SIAE: variants seen among roughly 807,000 people sequenced by gnomAD.
The protein encoded by SIAE is sialate O-acetylesterase.
A neutral mutation model predicts 52.6 loss-of-function variants in SIAE; 39 were observed. That is an observed-to-expected ratio of 0.74 (90% CI 0.57 to 0.97). SIAE has a LOEUF of 0.97. SIAE is among the 50% of genes least tolerant of loss of function. The pLI is 0.00. For missense variants in SIAE, 592 were observed against 662.1 expected (o/e 0.89, Z 1.16); for synonymous variants, 233 against 241.4 (o/e 0.97, Z 0.32).
Position 124,673,624 on chromosome 11 carries a change from C to G in SIAE, c.67+18G>C. ...ACAGGCTGAGGGGCAGGGGTCCGGC[C>G]GAGCCGGGCCGCCTCACCTGCACTT... On this transcript the variant is annotated intron_variant, in intron 1 of 9. Transcript: ENST00000263593. The G allele has an allele frequency of 6.2e-7, 1 of 1,611,248 alleles. No homozygotes were observed. The highest frequency in any genetic ancestry group is 8.5e-7 in the Non-Finnish European group (1 of 1,178,988).
At chr11:124,671,080 G>T (rs1016587555) in intron 1 of SIAE, among the ~76,000 whole-genome samples, 1 of 152,126 alleles carries the variant, frequency 6.6e-6, no homozygotes, top group African/African-American at 2.4e-5. Flanking sequence ...CATAGGCTAG[G>T]GGAAATACCT....
upstream of SIAE, chr11:124,675,257 C>A: frequency 1.2e-6 from 2 of 1,610,762 alleles, no homozygotes; most frequent in Middle Eastern, 1.7e-4. Context: ...GCAGTTCTTA[C>A]CAAGAAGATG....
intron 1 of SIAE, among the ~76,000 whole-genome samples, chr11:124,673,054 C>G (rs1389491761): frequency 6.6e-6 from 1 of 152,164 alleles, no homozygotes; most frequent in Non-Finnish European, 1.5e-5. Context: ...CTCCCCTATG[C>G]CACTCACATT....
At chr11:124,646,087 T>C (rs766549302) in intron 7 of SIAE, among the ~76,000 whole-genome samples, 1 of 152,200 alleles carries the variant, frequency 6.6e-6, no homozygotes, top group Non-Finnish European at 1.5e-5. Flanking sequence ...TGATTTCTTA[T>C]GTTCTAGAAA....
chr11:124,657,938 T>C (rs1365365125), intron 3 of SIAE, among the ~76,000 whole-genome samples: 2 of 152,226 alleles, frequency 1.3e-5, no homozygotes, highest in African/African-American at 4.8e-5. Flanking sequence ...TCTGCTGAGA[T>C]CAGATTTCAT....
Position 124,637,035 on chromosome 11 carries a change from G to C in SIAE, c.1488C>G (p.His496Gln). Residue 496 changes from histidine to glutamine, a missense_variant, in exon 10 of 10, where the codon CAC becomes CAG. Coordinates refer to ENST00000263593, the MANE Select transcript of SIAE (RefSeq NM_170601.5). Reference sequence around the variant, plus strand: ...GAGGGGCTGGCAGGGCACTACTGGGGTGGTATAGGGGACACTGCTTATATT... The same window carrying C: ...GAGGGGCTGGCAGGGCACTACTGGGCTGGTATAGGGGACACTGCTTATATT... ...PCEYKQCPLY[H>Q]PSSALPAPPF... 6.2e-7 allele frequency: 1 copy of C among 1,614,204 alleles called. No individual in the cohort carries two copies. Among genetic ancestry groups the C allele is most frequent in the Non-Finnish European group, 8.5e-7 (1 of 1,180,046 alleles).
intron 3 of SIAE, 145 bp downstream of exon 3, chr11:124,660,483 C>G: frequency 1.3e-6 from 1 of 778,392 alleles, no homozygotes; most frequent in Non-Finnish European, 2.2e-6. Context: ...TTAATGAATT[C>G]ATTCAAAGCA....
intron 7 of SIAE, 55 bp downstream of exon 7, chr11:124,647,310 C>A: frequency 6.2e-7 from 1 of 1,611,056 alleles, no homozygotes; most frequent in South Asian, 1.1e-5. Flanking sequence ...ACCTCTTCCT[C>A]TCAACACAGG....
In SIAE at chr11:124,634,646, T is replaced by C. The variant is rs1259805715; in HGVS notation, c.*2305A>G. On this transcript the variant is annotated 3_prime_UTR_variant, in exon 10 of 10. Transcript: ENST00000263593. ...ACAGTATTATTTTAATAGTAGAAAA[T>C]TGTTAAAAATCTATATGTCCATTAA... The C allele has an allele frequency of 1.3e-5, 2 of 152,122 alleles. No individual in the cohort carries two copies. Among genetic ancestry groups the C allele is most frequent in the Admixed American group, 6.5e-5 (1 of 15,276 alleles). 9.4% of individuals were successfully genotyped at this position (152,122 alleles called of 1,614,324 possible). A position where few individuals can be genotyped will look rare whatever the true frequency, so the allele number is the denominator to read the frequency against.
intron 1 of SIAE, 42 bp downstream of exon 1, chr11:124,673,600 C>T (rs372104513): frequency 4.0e-4 from 644 of 1,601,162 alleles, no homozygotes; most frequent in Non-Finnish European, 5.3e-4. Context: ...GGAGCCCGCA[C>T]AGGCTGAGGG....
chr11:124,675,354 G>A, upstream of SIAE: 13 of 1,614,202 alleles, frequency 8.1e-6, no homozygotes, highest in Non-Finnish European at 1.1e-5. Flanking sequence ...TTCTGAGAGA[G>A]CAACCGGACA....
At position 124,638,713 on chromosome 11, in the gene SIAE, A is replaced by C; in HGVS notation, c.1149T>G (p.Thr383=). 1 of 1,614,144 alleles carries C rather than the reference A, an allele frequency of 6.2e-7. No homozygotes were observed. The highest frequency in any genetic ancestry group is 1.3e-5 in the African/African-American group (1 of 75,044). The change falls in exon 9 of 10, where the codon ACT becomes ACG. Residue 383 remains threonine, a synonymous_variant. Coordinates refer to ENST00000263593, the MANE Select transcript of SIAE (RefSeq NM_170601.5). ...CCCCCAAATGCAGCCGATAAGCCAC[A>C]GTCTGTTTATCTCGAGGGTGGATGC... The part of the protein sequence containing the change: ...FGSIHPRDKQ[T]VAYRLHLGAR...
chr11:124,661,151 T>C (rs1297397463), intron 2 of SIAE, among the ~76,000 whole-genome samples: 1 of 152,188 alleles, frequency 6.6e-6, no homozygotes, highest in Non-Finnish European at 1.5e-5. Context: ...GCTGTCAAAA[T>C]TAACATTAAT....
chr11:124,644,353 GA>G (rs370589585), intron 7 of SIAE, among the ~76,000 whole-genome samples: 1,134 of 102,134 alleles, frequency 0.011, 4 homozygotes, highest in South Asian at 0.029. Flanking sequence ...TCTGTGGTGA[GA>G]AAAAAAAAAA....
chr11:124,661,563 C>T (rs1010198696), intron 2 of SIAE, among the ~76,000 whole-genome samples: 11 of 152,150 alleles, frequency 7.2e-5, no homozygotes, highest in African/African-American at 2.7e-4. Flanking sequence ...CCCCATCACC[C>T]TCCTACCTCT....
rs750974373 is a variant in SIAE at position 124,648,144 on chromosome 11, T to C, written c.754A>G (p.Ser252Gly). Residue 252 changes from serine to glycine, a missense_variant, in exon 6 of 10, where the codon AGT (serine) becomes GGT (glycine). Ser to Gly is a moderately conservative substitution (Grantham distance 56). Transcript: ENST00000263593. ...GCATTCCAGAGAACAGAGTGCTTAC[T>C]GGGACCAGTTACAGAATCGTATGGA... is the stretch of plus-strand genomic sequence containing the variant. ...SIPYDSVTGP[S>G]KHSVLWNAMI... is the part of the protein sequence containing the mutation. The C allele has an allele frequency of 1.2e-6, 2 of 1,614,110 alleles. No individual in the cohort carries two copies. Among genetic ancestry groups the C allele is most frequent in the Non-Finnish European group, 1.7e-6 (2 of 1,179,966 alleles).
At chr11:124,675,423 G>A, upstream of SIAE, 1 of 1,600,914 alleles carries the variant, frequency 6.2e-7, no homozygotes, top group African/African-American at 1.4e-5. Context: ...GAGAGAGTAA[G>A]CTTTCTAAAA....
chr11:124,662,193 C>A (rs943111930), intron 2 of SIAE, among the ~76,000 whole-genome samples: 101 of 152,202 alleles, frequency 6.6e-4, no homozygotes, highest in African/African-American at 2.4e-3. Context: ...CACACGTCAA[C>A]GTATTAAATG....
In SIAE at chr11:124,633,993, A is replaced by G. The variant is rs1181835420; in HGVS notation, c.*2958T>C. The G allele has an allele frequency of 6.6e-6, 1 of 152,272 alleles. No homozygotes were observed. Among genetic ancestry groups the G allele is most frequent in the Non-Finnish European group, 1.5e-5 (1 of 68,050 alleles). The allele number at this position is 152,272 out of a possible 1,614,324, so 9.4% of individuals were successfully genotyped here. ...ACTATAGTGTGTACGTATACCACAT[A>G]TACATATACTTGTATGAAGATATGT... is the stretch of plus-strand genomic sequence containing the variant. On this transcript the variant is annotated 3_prime_UTR_variant, in exon 10 of 10. Transcript: ENST00000263593.
Sources: allele counts gnomAD v4.1 joint callset (sites outside exome capture counted in the v4.1 genomes callset), GRCh38; gene constraint gnomAD v4.1.1; transcripts MANE v1.5; gene names NCBI Gene and HGNC (gene_info 2026-07-23, HGNC 2026-07-21).